The following CSTA variants were observed in gnomAD, a reference collection of about 807,000 sequenced individuals.
The protein encoded by CSTA is cystatin-A.
CSTA carries 9 observed loss-of-function variants against 9.2 expected under a neutral mutation model. That is an observed-to-expected ratio of 0.97 (90% confidence interval 0.59 to 1.70). The LOEUF is 1.70. Among genes scored for constraint, CSTA ranks in the 40% most tolerant of loss-of-function variants. The pLI is 0.00. For missense variants in CSTA, 118 were observed against 113.1 expected (o/e 1.04, Z -0.20); for synonymous variants, 36 against 40.6 (o/e 0.89, Z 0.43).
At chr3:122,336,452 T>C (rs2075237966) in intron 1 of CSTA, among the ~76,000 whole-genome samples, 1 of 152,178 alleles carries the variant, frequency 6.6e-6, no homozygotes, top group Admixed American at 6.5e-5. Flanking sequence ...AAAAGAAATA[T>C]CCATGAGTCA....
chr3:122,327,561 G>A (rs1055506330), intron 1 of CSTA, among the ~76,000 whole-genome samples: 1 of 149,398 alleles, frequency 6.7e-6, no homozygotes, highest in Non-Finnish European at 1.5e-5. Context: ...AAGTCAGGGT[G>A]CCAAAATAAA....
At position 122,341,630 on chromosome 3, in the gene CSTA, A is replaced by G. The variant is rs3792292; in HGVS notation, c.*63A>G. 4.5e-4 allele frequency: 711 copies of G among 1,572,892 alleles called. 10 individuals are homozygous for G. In the East Asian group the frequency reaches 0.014, roughly 30 times the overall value. On this transcript the variant is annotated 3_prime_UTR_variant, in exon 3 of 3. Transcript: ENST00000264474. ...CTACTGAGTCATGATCCTTGCTGAT[A>G]AATATAACCATCAATAAAGAAGCAT...
chr3:122,341,753 T>A lies in CSTA; in HGVS notation c.*186T>A. On this transcript the variant is annotated 3_prime_UTR_variant, in exon 3 of 3. Coordinates refer to ENST00000264474, the MANE Select transcript of CSTA (RefSeq NM_005213.4). ...CAAAATCAGTGTTATTGCTTTAGAGTATAAACTCCATATAAATTGATGGCA... is the reference window on the plus strand; with the variant it reads ...CAAAATCAGTGTTATTGCTTTAGAGAATAAACTCCATATAAATTGATGGCA... The A allele has an allele frequency of 1.4e-6, 1 of 692,278 alleles. No individual in the cohort carries two copies. The highest frequency in any genetic ancestry group is 2.3e-6 in the Non-Finnish European group (1 of 427,912). 42.9% of individuals were successfully genotyped at this position (692,278 alleles called of 1,614,324 possible). A position where few individuals can be genotyped will look rare whatever the true frequency, so the allele number is the denominator to read the frequency against.
chr3:122,341,969 A>AGTGTGT (rs35225251), downstream of CSTA: 46 of 198,272 alleles, frequency 2.3e-4, no homozygotes, highest in African/African-American at 4.2e-4. Context: ...TATTTTACAA[A>AGTGTGT]GTGTGTGTGT....
chr3:122,337,224 T>C (rs1264439694), intron 1 of CSTA, among the ~76,000 whole-genome samples: 3 of 152,240 alleles, frequency 2.0e-5, no homozygotes, highest in Non-Finnish European at 4.4e-5. Context: ...AAATAATGTT[T>C]TAATCAAGTA....
Position 122,333,540 on chromosome 3 carries a change from G to GAAGAAAGAAAAGAAAGAAGA in CSTA, c.67-3997_67-3996insAGAAAGAAGAAAGAAAGAAA, listed in dbSNP as rs1460272182. Among the ~76,000 whole-genome samples, 665 of 112,160 alleles carry GAAGAAAGAAAAGAAAGAAGA rather than the reference G, an allele frequency of 5.9e-3. 12 individuals are homozygous for GAAGAAAGAAAAGAAAGAAGA. In the East Asian group the frequency reaches 0.06, roughly 10 times the overall value. 73.6% of individuals were successfully genotyped at this position (112,160 alleles called of 152,430 possible). On this transcript the variant is annotated intron_variant, in intron 1 of 2. Transcript: ENST00000264474. ...AGAGAGAAGAAAGAAAGAAAAGAAA[G>GAAGAAAGAAAAGAAAGAAGA]AAGAAAGAAAGAAAGAAAGAAAGAA...
intron 2 of CSTA, among the ~76,000 whole-genome samples, chr3:122,340,867 T>A (rs1396055650): frequency 6.6e-6 from 1 of 152,158 alleles, no homozygotes; most frequent in African/African-American, 2.4e-5. Flanking sequence ...AATGCTGTCC[T>A]TTGTGCCCAG....
chr3:122,337,274 A>T (rs1173078219), intron 1 of CSTA, among the ~76,000 whole-genome samples: 3 of 152,240 alleles, frequency 2.0e-5, no homozygotes, highest in Admixed American at 6.5e-5. Context: ...TCAAAGATAC[A>T]TATAACTCTT....
At chr3:122,335,792 C>T (rs2075233569) in intron 1 of CSTA, among the ~76,000 whole-genome samples, 1 of 151,828 alleles carries the variant, frequency 6.6e-6, no homozygotes, top group Admixed American at 6.6e-5. Flanking sequence ...CCATTGCGCC[C>T]AGCTAATTTT....
chr3:122,329,693 A>G (rs1476540172), intron 1 of CSTA, among the ~76,000 whole-genome samples: 2 of 152,262 alleles, frequency 1.3e-5, no homozygotes, highest in Non-Finnish European at 2.9e-5. Flanking sequence ...CATGAGGTCT[A>G]TAAGATATGG....
At chr3:122,330,822 A>T (rs1174503892) in intron 1 of CSTA, among the ~76,000 whole-genome samples, 2 of 152,154 alleles carry the variant, frequency 1.3e-5, no homozygotes, top group Non-Finnish European at 2.9e-5. Context: ...CCTTTGGGAA[A>T]TTAATAAAAT....
intron 1 of CSTA, among the ~76,000 whole-genome samples, chr3:122,326,221 G>T (rs771612749): frequency 3.0e-4 from 45 of 152,192 alleles, no homozygotes; most frequent in Non-Finnish European, 4.6e-4. Flanking sequence ...TTTTAGAGAT[G>T]GCATTTCATT....
At chr3:122,328,494 C>A in intron 1 of CSTA, among the ~76,000 whole-genome samples, 1 of 85,228 alleles carries the variant, frequency 1.2e-5, no homozygotes. Context: ...AACAAGATTC[C>A]ATCTCAAAAA....
chr3:122,335,953 A>G (rs910166069), intron 1 of CSTA, among the ~76,000 whole-genome samples: 1 of 105,080 alleles, frequency 9.5e-6, no homozygotes, highest in Non-Finnish European at 2.0e-5. Context: ...TTTTAATCAG[A>G]GGAATACACA....
chr3:122,338,781 A>G (rs1206980855), intron 2 of CSTA, among the ~76,000 whole-genome samples: 1 of 152,234 alleles, frequency 6.6e-6, no homozygotes, highest in Non-Finnish European at 1.5e-5. Flanking sequence ...TTCCATCAAC[A>G]TTAACATATT....
chr3:122,335,036 AG>A (rs2075228524), intron 1 of CSTA, among the ~76,000 whole-genome samples: 1 of 152,226 alleles, frequency 6.6e-6, no homozygotes, highest in South Asian at 2.1e-4. Flanking sequence ...TACACTTAGC[AG>A]GAACTGAGTC....
At chr3:122,335,079 C>T (rs551271387) in intron 1 of CSTA, among the ~76,000 whole-genome samples, 1 of 152,196 alleles carries the variant, frequency 6.6e-6, no homozygotes, top group Admixed American at 6.5e-5. Context: ...GCATATCAGG[C>T]CCAGCTGAGA....
At chr3:122,329,118 A>G (rs1422522969) in intron 1 of CSTA, among the ~76,000 whole-genome samples, 2 of 150,780 alleles carry the variant, frequency 1.3e-5, no homozygotes, top group African/African-American at 2.4e-5. Context: ...GGCGCCCGCC[A>G]CCATGCCTGG....
At chr3:122,334,819 G>T (rs75932939) in intron 1 of CSTA, among the ~76,000 whole-genome samples, 8,087 of 152,248 alleles carry the variant, frequency 0.053, 255 homozygotes, top group African/African-American at 0.084. Flanking sequence ...CAGAAGCTAA[G>T]CCCATAGAGG....
Sources: allele counts gnomAD v4.1 joint callset (sites outside exome capture counted in the v4.1 genomes callset), GRCh38; gene constraint gnomAD v4.1.1; transcripts MANE v1.5; gene names NCBI Gene and HGNC (gene_info 2026-07-23, HGNC 2026-07-21).